The following CYTH3 variants were observed in gnomAD, a reference collection of about 807,000 sequenced individuals.
CYTH3 encodes cytohesin 3, also known as cytohesin-3.
CYTH3 carries 23 observed loss-of-function variants against 55.1 expected under a neutral mutation model. The observed-to-expected ratio is 0.42, with a 90% CI of 0.30 to 0.59. CYTH3 has a LOEUF of 0.59. Ranked by LOEUF, CYTH3 falls within the 20% of genes least tolerant of loss-of-function variation. The probability of loss-of-function intolerance (pLI) is 0.20; values close to 1 mark genes in which losing one functional copy is unlikely to be tolerated. For missense variants in CYTH3, 413 were observed against 524.8 expected, an observed-to-expected ratio of 0.79 and a Z score of 2.08; for synonymous variants, 249 against 194.9, an observed-to-expected ratio of 1.28 and a Z score of -2.31.
chr7:6,240,887 G>A (rs557950706), intron 1 of CYTH3, among the ~76,000 whole-genome samples: 53 of 152,186 alleles, frequency 3.5e-4, no homozygotes, highest in Non-Finnish European at 7.2e-4. Context: ...AGGCCAAGGC[G>A]GGTGGATCAC....
chr7:6,205,116 G>T (rs1784154463), intron 1 of CYTH3, among the ~76,000 whole-genome samples: 1 of 152,130 alleles, frequency 6.6e-6, no homozygotes, highest in East Asian at 1.9e-4. Context: ...AGTGAGCCAT[G>T]ATCATGCCAC....
At chr7:6,272,410 G>GGGGGGGGGGCCCCCCCCCC in intron 1 of CYTH3, 64 bp downstream of exon 1, 1 of 1,216,614 alleles carries the variant, frequency 8.2e-7, no homozygotes, top group Non-Finnish European at 1.1e-6. Context: ...CCGCGCCCTC[G>GGGGGGGGGGCCCCCCCCCC]ACCCCCAGCC....
intron 1 of CYTH3, among the ~76,000 whole-genome samples, chr7:6,204,701 C>T (rs1329419724): frequency 6.6e-6 from 1 of 152,180 alleles, no homozygotes; most frequent in Non-Finnish European, 1.5e-5. Context: ...GAGAGCCAAG[C>T]CAGGGCCCAC....
chr7:6,199,758 C>A (rs949462328), intron 1 of CYTH3, among the ~76,000 whole-genome samples: 1 of 152,130 alleles, frequency 6.6e-6, no homozygotes, highest in Admixed American at 6.5e-5. Flanking sequence ...ATGACAGATA[C>A]CTCTTTAAAA....
In CYTH3 at chr7:6,164,664, G is replaced by A. The variant is rs1782933527; in HGVS notation, c.*280C>T. 1.2e-5 allele frequency: 6 copies of A among 496,134 alleles called. No individual in the cohort carries two copies. Among genetic ancestry groups the A allele is most frequent in the Non-Finnish European group, 2.2e-5 (6 of 276,334 alleles). 30.7% of individuals were successfully genotyped at this position (496,134 alleles called of 1,614,324 possible). ...GCAGGAAGGAAATGCTTCTGGACAT[G>A]CGCAGCCGACCATGACCCCAGCCAC... On this transcript the variant is annotated 3_prime_UTR_variant, in exon 13 of 13. Transcript: ENST00000350796.
In CYTH3 at chr7:6,184,049, C is replaced by CTTT. The variant is rs60634853; in HGVS notation, c.249+2998_249+3000dup. ...CATTGTTTACGCACCCCCTCTGTGG[C>CTTT]TTTTTTTTTTTTTTTTTTTTTTTTT... On this transcript the variant is annotated intron_variant, in intron 4 of 12. Transcript: ENST00000350796. Among the ~76,000 whole-genome samples, 79 of 46,402 alleles carry CTTT rather than the reference C, an allele frequency of 1.7e-3. 14 individuals are homozygous for CTTT. Among genetic ancestry groups the CTTT allele is most frequent in the Admixed American group, 2.5e-3 (9 of 3,612 alleles). The allele number at this position is 46,402 out of a possible 152,430, so 30.4% of individuals were successfully genotyped here.
intron 1 of CYTH3, among the ~76,000 whole-genome samples, chr7:6,200,891 G>T (rs533539407): frequency 6.6e-6 from 1 of 152,300 alleles, no homozygotes; most frequent in South Asian, 2.1e-4. Flanking sequence ...GAATAGCTGG[G>T]ACCACAGGCA....
At chr7:6,168,974 G>A (rs933648135) in intron 9 of CYTH3, among the ~76,000 whole-genome samples, 2 of 152,066 alleles carry the variant, frequency 1.3e-5, no homozygotes, top group African/African-American at 4.8e-5. Flanking sequence ...CCCCCCCACC[G>A]GCCCTCACTC....
chr7:6,194,296 T>C (rs777331785), intron 1 of CYTH3, among the ~76,000 whole-genome samples: 4 of 152,046 alleles, frequency 2.6e-5, no homozygotes, highest in African/African-American at 4.8e-5. Flanking sequence ...ATATAAAACC[T>C]TGGGGAAAAA....
intron 4 of CYTH3, among the ~76,000 whole-genome samples, chr7:6,179,842 C>CG (rs1451543150): frequency 1.5e-4 from 18 of 119,002 alleles, no homozygotes; most frequent in African/African-American, 5.9e-4. Context: ...ACCACATACA[C>CG]CACACCACAG....
chr7:6,241,585 G>T (rs1014471704), intron 1 of CYTH3, among the ~76,000 whole-genome samples: 1 of 151,602 alleles, frequency 6.6e-6, no homozygotes, highest in African/African-American at 2.4e-5. Flanking sequence ...AGATAAATGT[G>T]TAAAAAACGG....
chr7:6,197,547 A>G (rs1783963099), intron 1 of CYTH3, among the ~76,000 whole-genome samples: 1 of 152,074 alleles, frequency 6.6e-6, no homozygotes, highest in Non-Finnish European at 1.5e-5. Context: ...GCCAGATGTA[A>G]TGGTGGGTGC....
rs1047743229 is a variant in CYTH3, at chr7:6,169,340, C to A, written c.823+1195G>T. On this transcript the variant is annotated intron_variant, in intron 9 of 12. Transcript: ENST00000350796. The surrounding 1 kb of genome is among the most constrained non-coding windows in gnomAD (Gnocchi z 4.1). ...GGCTCAGGCCATCCTCCTGCCTCAG[C>A]CTCCCTAGTAGCTGGGACTACAGGC... is the stretch of plus-strand genomic sequence containing the variant. Among the ~76,000 whole-genome samples the A allele has an allele frequency of 3.9e-5, 6 of 152,198 alleles. No homozygotes were observed. The highest frequency in any genetic ancestry group is 2.6e-4 in the Admixed American group (4 of 15,282).
chr7:6,239,818 C>G (rs1779626803), intron 1 of CYTH3, among the ~76,000 whole-genome samples: 1 of 151,940 alleles, frequency 6.6e-6, no homozygotes. Flanking sequence ...ATGCATAAAA[C>G]ATATGTAAGT....
chr7:6,186,193 A>G (rs764272871), intron 4 of CYTH3, among the ~76,000 whole-genome samples: 63 of 149,974 alleles, frequency 4.2e-4, no homozygotes, highest in African/African-American at 1.4e-3. Flanking sequence ...GCAGTGAGCC[A>G]AGATCGTGCC....
chr7:6,221,142 T>G (rs890729259), intron 1 of CYTH3, among the ~76,000 whole-genome samples: 1 of 152,112 alleles, frequency 6.6e-6, no homozygotes, highest in Non-Finnish European at 1.5e-5. Flanking sequence ...ATCCTAAGAC[T>G]GGAAACAACC....
chr7:6,241,995 AG>A, intron 1 of CYTH3, among the ~76,000 whole-genome samples: 1 of 152,334 alleles, frequency 6.6e-6, no homozygotes, highest in East Asian at 1.9e-4. Context: ...GGGACAGAAT[AG>A]TCTCATTCAT....
chr7:6,263,096 G>C (rs1474365366), intron 1 of CYTH3, among the ~76,000 whole-genome samples: 1 of 152,100 alleles, frequency 6.6e-6, no homozygotes, highest in Admixed American at 6.6e-5. Flanking sequence ...CTGACAGTAT[G>C]TCCATCTGAT....
At chr7:6,165,920 G>T in intron 9 of CYTH3, 110 bp from the exon 10 acceptor site, 1 of 1,087,318 alleles carries the variant, frequency 9.2e-7, no homozygotes, top group Non-Finnish European at 1.4e-6. Flanking sequence ...AAGGCCACCA[G>T]GCGCCAGGCT....
Sources: allele counts gnomAD v4.1 joint callset (sites outside exome capture counted in the v4.1 genomes callset), GRCh38; gene constraint gnomAD v4.1.1; non-coding constraint Gnocchi (gnomAD v3.1); transcripts MANE v1.5; gene names NCBI Gene and HGNC (gene_info 2026-07-23, HGNC 2026-07-21).